CFAP43: variants seen among roughly 807,000 people sequenced by gnomAD.
CFAP43 encodes the protein cilia- and flagella-associated protein 43.
Under a neutral mutation model 218.9 loss-of-function variants are expected in CFAP43, and 155 were observed. The ratio of observed to expected loss-of-function variants is 0.71; its 90% CI spans 0.62 to 0.81. CFAP43 has a LOEUF of 0.81. Among genes scored for constraint, CFAP43 ranks in the 30% least tolerant of loss-of-function variants. The pLI is 0.00. For synonymous variants in CFAP43, 645 were observed against 681.3 expected (o/e 0.95, Z 0.83); for missense variants, 1,778 against 1,954.3 (o/e 0.91, Z 1.70).
chr10:104,141,515 G>A (rs898652904), intron 33 of CFAP43, among the ~76,000 whole-genome samples: 1 of 152,120 alleles, frequency 6.6e-6, no homozygotes, highest in Non-Finnish European at 1.5e-5. Context: ...GGGAGGCTGA[G>A]GCATGAGATC....
chr10:104,219,384 T>A (rs912544635), intron 3 of CFAP43, among the ~76,000 whole-genome samples: 1 of 152,168 alleles, frequency 6.6e-6, no homozygotes, highest in Non-Finnish European at 1.5e-5. Context: ...AGCCTCCTAA[T>A]TGATGTTCAT....
intron 37 of CFAP43, among the ~76,000 whole-genome samples, chr10:104,130,541 A>AT (rs1554854655): frequency 3.3e-5 from 5 of 152,242 alleles, no homozygotes; most frequent in Non-Finnish European, 7.3e-5. Context: ...CTACACAGCC[A>AT]TAAAAAAAAG....
intron 7 of CFAP43, among the ~76,000 whole-genome samples, chr10:104,204,093 T>C (rs969009894): frequency 3.3e-5 from 5 of 152,218 alleles, no homozygotes; most frequent in African/African-American, 1.2e-4. Flanking sequence ...ACTACATTCT[T>C]CACTGCACAG....
At chr10:104,212,307 A>C in intron 4 of CFAP43, 150 bp from the exon 5 acceptor site, 1 of 748,180 alleles carries the variant, frequency 1.3e-6, no homozygotes, top group Non-Finnish European at 2.0e-6. Flanking sequence ...ATTTAAAAAT[A>C]TATAACAGGT....
intron 16 of CFAP43, among the ~76,000 whole-genome samples, chr10:104,184,606 C>T (rs935764577): frequency 6.6e-6 from 1 of 152,024 alleles, no homozygotes; most frequent in African/African-American, 2.4e-5. Flanking sequence ...GACCATACCC[C>T]CAACCACCTC....
intron 4 of CFAP43, among the ~76,000 whole-genome samples, chr10:104,213,116 C>A (rs1054466278): frequency 3.3e-5 from 5 of 152,276 alleles, no homozygotes; most frequent in Admixed American, 3.3e-4. Context: ...GTGTTGTCAA[C>A]TCTCACTAGA....
At chr10:104,137,894 G>T (rs1467180960) in intron 34 of CFAP43, among the ~76,000 whole-genome samples, 1 of 152,146 alleles carries the variant, frequency 6.6e-6, no homozygotes, top group Non-Finnish European at 1.5e-5. Context: ...CCACTGACTT[G>T]CACACTTTAA....
chr10:104,209,224 T>A (rs1472099621), intron 5 of CFAP43, among the ~76,000 whole-genome samples: 3 of 152,310 alleles, frequency 2.0e-5, no homozygotes, highest in Admixed American at 2.0e-4. Context: ...TTTTAAACAT[T>A]TTCCTCACTT....
At chr10:104,205,832 A>G (rs2134956618) in intron 7 of CFAP43, 131 bp downstream of exon 7, 1 of 770,976 alleles carries the variant, frequency 1.3e-6, no homozygotes, top group Non-Finnish European at 2.1e-6. Flanking sequence ...TAGTACCCAA[A>G]GAGGAAACCA....
In CFAP43 at chr10:104,203,766, C is replaced by T; in HGVS notation, c.1001G>A (p.Ser334Asn). ...CTCAAGAAAATCCTCGATCATGTAACTTCTATCTTTAATAATAAAAGAATA... is the reference window on the plus strand; with the variant it reads ...CTCAAGAAAATCCTCGATCATGTAATTTCTATCTTTAATAATAAAAGAATA... Reference protein sequence around the residue: ...FVYSFIIKDRSYMIEDFLEIE... With the variant: ...FVYSFIIKDRNYMIEDFLEIE... Residue 334 changes from serine to asparagine, a missense_variant, in exon 8 of 38, where the codon AGT becomes AAT. Physicochemically the swap from Ser to Asn is conservative, Grantham distance 46. Coordinates refer to ENST00000357060, the MANE Select transcript of CFAP43 (RefSeq NM_025145.7). The T allele has an allele frequency of 1.9e-6, 3 of 1,606,906 alleles. No homozygotes were observed. The highest frequency in any genetic ancestry group is 2.5e-6 in the Non-Finnish European group (3 of 1,177,514).
chr10:104,200,949 A>G (rs1484997388), intron 8 of CFAP43, among the ~76,000 whole-genome samples: 2 of 152,232 alleles, frequency 1.3e-5, no homozygotes, highest in Non-Finnish European at 2.9e-5. Context: ...GCTTTTTCTC[A>G]GAATGACAGG....
intron 5 of CFAP43, 86 bp from the exon 6 acceptor site, chr10:104,207,910 G>A: frequency 2.2e-6 from 3 of 1,374,704 alleles, no homozygotes; most frequent in East Asian, 2.4e-5. Flanking sequence ...CTGACAAAAA[G>A]GAACCATACT....
intron 15 of CFAP43, 67 bp from the exon 16 acceptor site, chr10:104,185,213 G>A: frequency 6.3e-7 from 1 of 1,582,400 alleles, no homozygotes; most frequent in Non-Finnish European, 8.6e-7. Context: ...TTTCTAATGG[G>A]GTTATATGCC....
intron 34 of CFAP43, among the ~76,000 whole-genome samples, chr10:104,135,273 A>T (rs2087387698): frequency 6.6e-6 from 1 of 152,204 alleles, no homozygotes; most frequent in African/African-American, 2.4e-5. Flanking sequence ...TCATAACTTC[A>T]TACTCAATGA....
chr10:104,139,192 G>C (rs1228686154), intron 34 of CFAP43, among the ~76,000 whole-genome samples: 1 of 152,130 alleles, frequency 6.6e-6, no homozygotes, highest in Non-Finnish European at 1.5e-5. Flanking sequence ...AGAACAAAGA[G>C]TGAAAAACAA....
intron 32 of CFAP43, among the ~76,000 whole-genome samples, chr10:104,142,839 A>G (rs376612328): frequency 6.6e-6 from 1 of 152,166 alleles, no homozygotes; most frequent in Non-Finnish European, 1.5e-5. Context: ...GCAAAACTAT[A>G]AAGTTGGTTC....
At chr10:104,201,769 T>C (rs1334669443) in intron 8 of CFAP43, among the ~76,000 whole-genome samples, 2 of 152,190 alleles carry the variant, frequency 1.3e-5, no homozygotes, top group Non-Finnish European at 2.9e-5. Flanking sequence ...CTGCTCTTTA[T>C]TTTTGTTGCA....
At chr10:104,226,678 C>G (rs188618952) in intron 2 of CFAP43, among the ~76,000 whole-genome samples, 245 of 152,052 alleles carry the variant, frequency 1.6e-3, no homozygotes, top group African/African-American at 5.7e-3. Flanking sequence ...TATATATTTT[C>G]TTTAAATATA....
At chr10:104,197,895 A>T in intron 9 of CFAP43, 27 bp downstream of exon 9, 1 of 1,423,848 alleles carries the variant, frequency 7.0e-7, no homozygotes, top group South Asian at 1.2e-5. Context: ...CTTTAGTCCT[A>T]CTGTGACACA....
Sources: gnomAD v4.1 joint callset for allele counts (sites outside exome capture counted in the v4.1 genomes callset) on GRCh38, gnomAD v4.1.1 for gene constraint, MANE v1.5 for transcripts, NCBI Gene and HGNC (gene_info 2026-07-23, HGNC 2026-07-21) for gene names.